Variants in UMAD1 observed in about 807,000 individuals in gnomAD.
UMAD1 encodes UBAP1-MVB12-associated (UMA)-domain containing protein 1.
In UMAD1, 8 loss-of-function variants were observed where a neutral mutation model predicts 6.1. That is an observed-to-expected ratio of 1.30 (90% confidence interval 0.76 to 2.35). The LOEUF is 2.35. Among genes scored for constraint, UMAD1 ranks in the 30% most tolerant of loss-of-function variants. The probability of loss-of-function intolerance (pLI) is 0.00; values close to 1 mark genes in which losing one functional copy is unlikely to be tolerated. For missense variants in UMAD1, 130 were observed against 78.4 expected (o/e 1.66, Z -2.49); for synonymous variants, 56 against 31.4 (o/e 1.78, Z -2.61).
intron 3 of UMAD1, among the ~76,000 whole-genome samples, chr7:7,814,905 T>C (rs1298002127): frequency 1.3e-5 from 2 of 152,178 alleles, no homozygotes; most frequent in Non-Finnish European, 2.9e-5. Flanking sequence ...AGGAGCCTCC[T>C]TTCCAGGTCA....
At chr7:7,653,367 A>G (rs1785270498) in intron 1 of UMAD1, among the ~76,000 whole-genome samples, 4 of 152,352 alleles carry the variant, frequency 2.6e-5, no homozygotes, top group African/African-American at 9.6e-5. Context: ...TTGAGATCCA[A>G]ATGATAAATT....
intron 3 of UMAD1, among the ~76,000 whole-genome samples, chr7:7,828,585 C>A (rs572199822): frequency 6.0e-4 from 91 of 152,314 alleles, no homozygotes; most frequent in African/African-American, 2.1e-3. Flanking sequence ...TGTGTACACA[C>A]GCATGCTAGT....
intron 3 of UMAD1, among the ~76,000 whole-genome samples, chr7:7,857,421 G>A (rs1784038475): frequency 6.6e-6 from 1 of 152,200 alleles, no homozygotes; most frequent in South Asian, 2.1e-4. Flanking sequence ...TTGCAGCCTA[G>A]GTCCCAACCA....
chr7:7,742,916 GTAA>G (rs1233668721), intron 2 of UMAD1, among the ~76,000 whole-genome samples: 1 of 152,014 alleles, frequency 6.6e-6, no homozygotes, highest in Non-Finnish European at 1.5e-5. Flanking sequence ...TCATGTTAAG[GTAA>G]TAATTTTCAG....
chr7:7,734,375 T>A (rs1003081589), intron 2 of UMAD1, among the ~76,000 whole-genome samples: 23 of 152,086 alleles, frequency 1.5e-4, no homozygotes, highest in African/African-American at 5.3e-4. Context: ...ATTATTAAGA[T>A]TTTTAAATTT....
chr7:7,847,099 AAAAAAATATATATATAT>A lies in UMAD1; in HGVS notation c.157-30180_157-30164del, dbSNP rs1202169176. Among the ~76,000 whole-genome samples, 7 of 44,552 alleles carry A rather than the reference AAAAAAATATATATATAT, an allele frequency of 1.6e-4. 1 individual carries two copies. Among genetic ancestry groups the A allele is most frequent in the Admixed American group, 5.2e-4 (2 of 3,820 alleles). The allele number at this position is 44,552 out of a possible 152,430, so 29.2% of individuals were successfully genotyped here. A position where few individuals can be genotyped will look rare whatever the true frequency, so the allele number is the denominator to read the frequency against. ...AAAGACAGCAATGCAAAAAAAAAAA[AAAAAAATATATATATAT>A]ATATATATATATATATATATATATA... On this transcript the variant is annotated intron_variant, in intron 3 of 3. Coordinates refer to ENST00000682710, the MANE Select transcript of UMAD1 (RefSeq NM_001302348.2).
intron 2 of UMAD1, among the ~76,000 whole-genome samples, chr7:7,685,121 GT>G (rs906001452): frequency 6.6e-6 from 1 of 152,112 alleles, no homozygotes; most frequent in African/African-American, 2.4e-5. Context: ...AAAATGTACA[GT>G]ATGAATATTC....
At chr7:7,861,987 GTTGT>G (rs1563268102) in intron 3 of UMAD1, among the ~76,000 whole-genome samples, 1 of 152,078 alleles carries the variant, frequency 6.6e-6, no homozygotes. Flanking sequence ...TGTATTCATT[GTTGT>G]TTGTCATAAC....
intron 3 of UMAD1, among the ~76,000 whole-genome samples, chr7:7,864,909 A>G (rs1784198390): frequency 6.6e-6 from 1 of 152,260 alleles, no homozygotes; most frequent in South Asian, 2.1e-4. Context: ...TTTTATGCCT[A>G]TGTAATAAAA....
intron 1 of UMAD1, among the ~76,000 whole-genome samples, chr7:7,656,911 A>C (rs541694834): frequency 6.6e-6 from 1 of 152,234 alleles, no homozygotes; most frequent in Non-Finnish European, 1.5e-5. Context: ...CAATGGTTGA[A>C]CTAATTTACA....
intron 3 of UMAD1, among the ~76,000 whole-genome samples, chr7:7,826,316 C>T (rs1422511463): frequency 6.6e-6 from 1 of 152,094 alleles, no homozygotes; most frequent in Non-Finnish European, 1.5e-5. Flanking sequence ...CTTTCTGCAT[C>T]ACCACCTTTA....
At position 7,846,919 on chromosome 7, in the gene UMAD1, G is replaced by A. The variant is rs1783794447; in HGVS notation, c.157-30362G>A. ...TGGGGACTGTGGTGGGGTCGGGGGA[G>A]GGGGTAGGGATAGCATTGGGAGATA... On this transcript the variant is annotated intron_variant, in intron 3 of 3. Coordinates refer to ENST00000682710, the MANE Select transcript of UMAD1 (RefSeq NM_001302348.2). 1.7e-5 allele frequency among the ~76,000 whole-genome samples: 2 copies of A among 119,182 alleles called. 1 individual carries two copies. Among genetic ancestry groups the A allele is most frequent in the African/African-American group, 7.0e-5 (2 of 28,564 alleles). 78.2% of individuals were successfully genotyped at this position (119,182 alleles called of 152,430 possible).
intron 2 of UMAD1, among the ~76,000 whole-genome samples, chr7:7,698,789 A>G (rs915285067): frequency 4.0e-5 from 6 of 151,876 alleles, no homozygotes; most frequent in South Asian, 2.1e-4. Flanking sequence ...AGATGAATTC[A>G]TCTCAAAGTG....
intron 2 of UMAD1, among the ~76,000 whole-genome samples, chr7:7,679,714 A>G (rs928846919): frequency 3.4e-5 from 4 of 116,402 alleles, no homozygotes; most frequent in African/African-American, 1.1e-4. Flanking sequence ...ATAGATAAAT[A>G]TATATATATA....
intron 3 of UMAD1, among the ~76,000 whole-genome samples, chr7:7,847,601 T>G (rs1161846318): frequency 1.3e-5 from 2 of 151,998 alleles, no homozygotes; most frequent in Admixed American, 1.3e-4. Flanking sequence ...TGCATGTTAC[T>G]CCCCCTTATA....
intron 2 of UMAD1, among the ~76,000 whole-genome samples, chr7:7,704,271 A>G (rs572502638): frequency 2.8e-3 from 424 of 152,306 alleles, no homozygotes; most frequent in African/African-American, 9.6e-3. Flanking sequence ...CATTTTTCAT[A>G]GAAACATTCA....
chr7:7,838,218 T>A (rs1783607734), intron 3 of UMAD1, among the ~76,000 whole-genome samples: 1 of 152,158 alleles, frequency 6.6e-6, no homozygotes, highest in Non-Finnish European at 1.5e-5. Context: ...TTTTGTGTAT[T>A]CCTCTTTGCA....
In UMAD1 at chr7:7,844,132, A is replaced by C. The variant is rs116600014; in HGVS notation, c.157-33149A>C. On this transcript the variant is annotated intron_variant, in intron 3 of 3. Coordinates refer to ENST00000682710, the MANE Select transcript of UMAD1 (RefSeq NM_001302348.2). The stretch of plus-strand genomic sequence containing the variant: ...GTATGCCAAAATTATTTTGAGGACC[A>C]CTCTGGTCGCCTCTTCTTTCTCTTA... 2.5e-3 allele frequency among the ~76,000 whole-genome samples: 385 copies of C among 152,058 alleles called. 2 individuals are homozygous for C. Among genetic ancestry groups the C allele is most frequent in the African/African-American group, 9.0e-3 (372 of 41,476 alleles).
intron 3 of UMAD1, among the ~76,000 whole-genome samples, chr7:7,816,983 T>A (rs1485851236): frequency 6.6e-6 from 1 of 152,228 alleles, no homozygotes; most frequent in East Asian, 1.9e-4. Context: ...CAGTAATTTG[T>A]GTCTACTGTG....
Sources: allele counts gnomAD v4.1 joint callset (sites outside exome capture counted in the v4.1 genomes callset), GRCh38; gene constraint gnomAD v4.1.1; transcripts MANE v1.5; gene names NCBI Gene and HGNC (gene_info 2026-07-23, HGNC 2026-07-21).